The following HNRNPA2B1 variants were observed in gnomAD, a reference collection of about 807,000 sequenced individuals.
HNRNPA2B1 encodes the protein heterogeneous nuclear ribonucleoprotein A2/B1, also known as heterogeneous nuclear ribonucleoproteins A2/B1.
A neutral mutation model predicts 46.3 loss-of-function variants in HNRNPA2B1; 3 were observed. The ratio of observed to expected loss-of-function variants is 0.06; its 90% confidence interval spans 0.03 to 0.17. HNRNPA2B1 has a LOEUF of 0.17. HNRNPA2B1 is among the 10% of genes least tolerant of loss of function. The pLI, the probability that HNRNPA2B1 is intolerant of heterozygous loss-of-function variation, is 1.00. For missense variants in HNRNPA2B1, 221 were observed against 418.9 expected, an observed-to-expected ratio of 0.53 and a Z score of 4.12; for synonymous variants, 225 against 133.8, an observed-to-expected ratio of 1.68 and a Z score of -4.70.
chr7:26,196,343 A>G (rs1783634393), intron 6 of HNRNPA2B1, 58 bp downstream of exon 6: 10 of 1,365,634 alleles, frequency 7.3e-6, no homozygotes, highest in East Asian at 6.9e-5. Flanking sequence ...ATGAAAACCT[A>G]ATCATATTTA....
intron 1 of HNRNPA2B1, chr7:26,198,521 C>T (rs1192772899): frequency 1.3e-5 from 2 of 152,158 alleles, no homozygotes; most frequent in African/African-American, 4.8e-5. Flanking sequence ...CAATAAAATA[C>T]ATTCACGTGG....
chr7:26,199,104 T>TCAG (rs1488220709), intron 1 of HNRNPA2B1: 1 of 152,426 alleles, frequency 6.6e-6, no homozygotes, highest in Non-Finnish European at 1.5e-5. Context: ...AGCACATAGG[T>TCAG]TATCTCTAAA....
rs1389768057 is a variant in HNRNPA2B1, at chr7:26,192,102, A to C, written c.*258T>G. On this transcript the variant is annotated 3_prime_UTR_variant, in exon 11 of 11. Coordinates refer to ENST00000618183, the MANE Select transcript of HNRNPA2B1 (RefSeq NM_002137.4). Reference sequence around the variant, plus strand: ...GAAAGAAACAACAATTAAAAAGCTAAGAAACTGTCTCAAAGGCATTTTTTT... The same window carrying C: ...GAAAGAAACAACAATTAAAAAGCTACGAAACTGTCTCAAAGGCATTTTTTT... The C allele has an allele frequency of 6.3e-6, 1 of 157,538 alleles. No individual in the cohort carries two copies. Among genetic ancestry groups the C allele is most frequent in the Non-Finnish European group, 1.4e-5 (1 of 71,194 alleles). The allele number at this position is 157,538 out of a possible 1,614,324, so 9.8% of individuals were successfully genotyped here. A position where few individuals can be genotyped will look rare whatever the true frequency, so the allele number is the denominator to read the frequency against.
At chr7:26,194,061 TAA>T (rs763803493) in intron 7 of HNRNPA2B1, among the ~76,000 whole-genome samples, 3 of 152,172 alleles carry the variant, frequency 2.0e-5, no homozygotes, top group Non-Finnish European at 4.4e-5. Context: ...GCCCAAAAGA[TAA>T]AGTTTCTATT....
rs1379211990 is a variant in HNRNPA2B1 at position 26,189,997 on chromosome 7, GTTAATA to G, written c.*2357_*2362del. 10 of 152,240 alleles carry G rather than the reference GTTAATA, an allele frequency of 6.6e-5. No individual in the cohort carries two copies. Among genetic ancestry groups the G allele is most frequent in the East Asian group, 1.9e-4 (1 of 5,198 alleles). 9.4% of individuals were successfully genotyped at this position (152,240 alleles called of 1,614,324 possible). On this transcript the variant is annotated 3_prime_UTR_variant, in exon 11 of 11. Coordinates refer to ENST00000618183, the MANE Select transcript of HNRNPA2B1 (RefSeq NM_002137.4). ...TCCACAATGCTCTTCTCATTTACCT[GTTAATA>G]TTAAAATATGCATAGCTTTGTGAAA...
chr7:26,200,508 C>T, intron 1 of HNRNPA2B1, 64 bp downstream of exon 1: 1 of 1,569,684 alleles, frequency 6.4e-7, no homozygotes, highest in Non-Finnish European at 8.7e-7. Flanking sequence ...TGGCCGACTT[C>T]CACTGAGGCG....
intron 6 of HNRNPA2B1, 76 bp from the exon 7 acceptor site, chr7:26,195,985 T>G: frequency 6.6e-7 from 1 of 1,518,432 alleles, no homozygotes; most frequent in Non-Finnish European, 8.8e-7. Flanking sequence ...TTCAGTTCTC[T>G]TACTACCTCA....
rs1247982104 is a variant in HNRNPA2B1, at chr7:26,190,734, TA to T, written c.*1625del. 2 of 152,212 alleles carry T rather than the reference TA, an allele frequency of 1.3e-5. No individual in the cohort carries two copies. Among genetic ancestry groups the T allele is most frequent in the African/African-American group, 4.8e-5 (2 of 41,458 alleles). The allele number at this position is 152,212 out of a possible 1,614,324, so 9.4% of individuals were successfully genotyped here. On this transcript the variant is annotated 3_prime_UTR_variant, in exon 11 of 11. Transcript: ENST00000618183. ...ACCCACCTATTTAGTACTGGATACA[TA>T]CCAGGCTTCATAATGCAGACAAGAC...
Position 26,195,907 on chromosome 7 carries a change from CATCT to C in HNRNPA2B1, c.659-2_660del. 1.2e-6 allele frequency: 2 copies of C among 1,606,446 alleles called. No individual in the cohort carries two copies. Among genetic ancestry groups the C allele is most frequent in the Non-Finnish European group, 1.7e-6 (2 of 1,177,960 alleles). ...CCAAATCCACGTCCACTGCCATATC[CATCT>C]GTTAGGGGCCAAAAAAAGATTACGT... On this transcript the variant is annotated splice_acceptor_variant and coding_sequence_variant, in exon 7 of 11. Transcript: ENST00000618183. LOFTEE classifies it high-confidence loss of function.
chr7:26,195,844 G>A lies in HNRNPA2B1; in HGVS notation c.721+3C>T. ...ACAAACCAAAACGTAGAGGAAAACTGACCTCCAGGTCCTCCTCCATACCCA... is the reference window on the plus strand; with the variant it reads ...ACAAACCAAAACGTAGAGGAAAACTAACCTCCAGGTCCTCCTCCATACCCA... On this transcript the variant is annotated splice_donor_region_variant and intron_variant, in intron 7 of 10. Coordinates refer to ENST00000618183, the MANE Select transcript of HNRNPA2B1 (RefSeq NM_002137.4). 1 of 1,609,564 alleles carries A rather than the reference G, an allele frequency of 6.2e-7. No individual in the cohort carries two copies. Among genetic ancestry groups the A allele is most frequent in the Admixed American group, 1.7e-5 (1 of 58,786 alleles).
chr7:26,198,033 A>T, intron 1 of HNRNPA2B1: 1 of 440,984 alleles, frequency 2.3e-6, no homozygotes, highest in South Asian at 5.9e-5. Context: ...TTAATTAAAA[A>T]AAAAACTTTC....
chr7:26,196,763 G>C (rs1583991556), intron 4 of HNRNPA2B1, 44 bp downstream of exon 4: 1 of 1,577,328 alleles, frequency 6.3e-7, no homozygotes, highest in African/African-American at 1.4e-5. Context: ...ACACAAAATT[G>C]AATACACTGG....
chr7:26,195,092 CAAA>C lies in HNRNPA2B1; in HGVS notation c.721+752_721+754del, dbSNP rs11356411. ...TGGGTGACAGAGCAAGGCTCCGTCTCAAAAAAAAAAAAAAAAAAGAAACCATAT... is the reference window on the plus strand; with the variant it reads ...TGGGTGACAGAGCAAGGCTCCGTCTCAAAAAAAAAAAAAAAGAAACCATAT... On this transcript the variant is annotated intron_variant, in intron 7 of 10. Coordinates refer to ENST00000618183, the MANE Select transcript of HNRNPA2B1 (RefSeq NM_002137.4). Among the ~76,000 whole-genome samples, 26 of 51,946 alleles carry C rather than the reference CAAA, an allele frequency of 5.0e-4. No homozygotes were observed. In the East Asian group the frequency reaches 5.6e-3, roughly 11 times the overall value. 34.1% of individuals were successfully genotyped at this position (51,946 alleles called of 152,430 possible). A position where few individuals can be genotyped will look rare whatever the true frequency, so the allele number is the denominator to read the frequency against.
At chr7:26,196,308 T>C (rs182974601) in intron 6 of HNRNPA2B1, 93 bp downstream of exon 6, 8 of 1,025,172 alleles carry the variant, frequency 7.8e-6, no homozygotes, top group Non-Finnish European at 8.7e-6. Context: ...AAAATTGACT[T>C]AGGTTGGATT....
intron 6 of HNRNPA2B1, 56 bp from the exon 7 acceptor site, chr7:26,195,965 A>T (rs1783558793): frequency 6.5e-7 from 1 of 1,542,670 alleles, no homozygotes; most frequent in Non-Finnish European, 8.7e-7. Context: ...CATTATTGCT[A>T]ATATTCATTT....
At chr7:26,198,979 T>A (rs1002427044) in intron 1 of HNRNPA2B1, 2 of 152,098 alleles carry the variant, frequency 1.3e-5, no homozygotes, top group Non-Finnish European at 2.9e-5. Context: ...AAAGAAAAAA[T>A]TAACTGAAAT....
At chr7:26,195,817 A>T (rs757048396) in intron 7 of HNRNPA2B1, 30 bp downstream of exon 7, 3 of 1,604,052 alleles carry the variant, frequency 1.9e-6, no homozygotes, top group Non-Finnish European at 1.7e-6. Flanking sequence ...TTAGTCACAT[A>T]AACAAACCAA....
chr7:26,200,740 T>TGCTACTGCCGCTAGAGCC lies in HNRNPA2B1; in HGVS notation c.-164_-163insGGCTCTAGCGGCAGTAGC. ...ACCTCCGCACGGGACCCGGCGCTGC[T>TGCTACTGCCGCTAGAGCC]GCTACTGCCGCTAGAGCCGCTGCCG... On this transcript the variant is annotated 5_prime_UTR_variant, in exon 1 of 11. Transcript: ENST00000618183. The TGCTACTGCCGCTAGAGCC allele has an allele frequency of 1.2e-6, 1 of 857,084 alleles. No individual in the cohort carries two copies. The highest frequency in any genetic ancestry group is 2.5e-5 in the East Asian group (1 of 40,410). 53.1% of individuals were successfully genotyped at this position (857,084 alleles called of 1,614,324 possible).
At chr7:26,194,930 C>A (rs1317659570) in intron 7 of HNRNPA2B1, among the ~76,000 whole-genome samples, 1 of 151,352 alleles carries the variant, frequency 6.6e-6, no homozygotes, top group Non-Finnish European at 1.5e-5. Flanking sequence ...CCCGTCTCTA[C>A]TAAAAATACT....
Sources: gnomAD v4.1 joint callset for allele counts (sites outside exome capture counted in the v4.1 genomes callset) on GRCh38, gnomAD v4.1.1 for gene constraint, MANE v1.5 for transcripts, NCBI Gene and HGNC (gene_info 2026-07-23, HGNC 2026-07-21) for gene names.